Variants in DGUOK observed in about 807,000 individuals in gnomAD.
The protein encoded by DGUOK is deoxyguanosine kinase, mitochondrial.
Under a neutral mutation model 36.6 loss-of-function variants are expected in DGUOK, and 30 were observed. The observed-to-expected ratio is 0.82, with a 90% CI of 0.61 to 1.11. DGUOK has a LOEUF of 1.11. Among genes scored for constraint, DGUOK ranks in the 50% most tolerant of loss-of-function variants. DGUOK has a pLI of 0.00. For synonymous variants in DGUOK, 145 were observed against 126.3 expected (o/e 1.15, Z -0.99); for missense variants, 361 against 336.4 (o/e 1.07, Z -0.57).
intron 4 of DGUOK, 28 bp downstream of exon 4, chr2:73,950,760 T>C (rs199956438): frequency 6.2e-7 from 1 of 1,613,948 alleles, no homozygotes. Flanking sequence ...ACCTTAGACT[T>C]TAGGGCCATA....
At chr2:73,936,962 G>C (rs1212373744) in intron 1 of DGUOK, among the ~76,000 whole-genome samples, 3 of 152,214 alleles carry the variant, frequency 2.0e-5, no homozygotes, top group Admixed American at 6.5e-5. Flanking sequence ...GATTGAGTAA[G>C]AGTTGGTCAG....
At chr2:73,957,533 G>T (rs569688736) in intron 5 of DGUOK, among the ~76,000 whole-genome samples, 1 of 152,236 alleles carries the variant, frequency 6.6e-6, no homozygotes, top group East Asian at 1.9e-4. Context: ...AATTAGCCAG[G>T]TGTGGTGTCA....
chr2:73,950,433 T>G (rs1257184871), intron 3 of DGUOK, 152 bp from the exon 4 acceptor site: 3 of 805,122 alleles, frequency 3.7e-6, no homozygotes, highest in Non-Finnish European at 6.3e-6. Context: ...TTCAGATTTC[T>G]TAAGGATTGA....
intron 2 of DGUOK, among the ~76,000 whole-genome samples, chr2:73,939,669 C>T (rs1173621936): frequency 4.6e-5 from 7 of 152,214 alleles, no homozygotes. Flanking sequence ...ACCATGCCTC[C>T]TCAGGCACCA....
intron 3 of DGUOK, 164 bp downstream of exon 3, chr2:73,947,070 A>G (rs556627683): frequency 2.3e-5 from 17 of 732,040 alleles, no homozygotes; most frequent in African/African-American, 3.5e-5. Context: ...TTGTACTTCT[A>G]CCAGATTGTC....
intron 1 of DGUOK, among the ~76,000 whole-genome samples, chr2:73,930,355 C>T (rs1046047606): frequency 6.6e-6 from 1 of 152,166 alleles, no homozygotes; most frequent in African/African-American, 2.4e-5. Context: ...AGACCAGTCA[C>T]CATGGCTGTG....
At chr2:73,947,232 T>C in intron 3 of DGUOK, 1 of 381,600 alleles carries the variant, frequency 2.6e-6, no homozygotes, top group South Asian at 2.2e-5. Context: ...AGGCACATAA[T>C]AGACACTTAA....
intron 1 of DGUOK, among the ~76,000 whole-genome samples, chr2:73,936,017 TA>T (rs1481517093): frequency 6.6e-6 from 1 of 152,234 alleles, no homozygotes; most frequent in African/African-American, 2.4e-5. Flanking sequence ...TTTTAACTTT[TA>T]AAAAATATAA....
At chr2:73,958,347 G>T in intron 6 of DGUOK, 102 bp downstream of exon 6, 1 of 879,644 alleles carries the variant, frequency 1.1e-6, no homozygotes, top group East Asian at 2.5e-5. Flanking sequence ...CTTGTGCTTT[G>T]CATCTCACAT....
intron 1 of DGUOK, among the ~76,000 whole-genome samples, chr2:73,937,642 A>G (rs1681569580): frequency 6.6e-6 from 1 of 152,202 alleles, no homozygotes; most frequent in Non-Finnish European, 1.5e-5. Context: ...TTGGTGGGAA[A>G]GATGATTAGT....
chr2:73,932,494 A>C (rs1174079228), intron 1 of DGUOK: 1 of 615,372 alleles, frequency 1.6e-6, no homozygotes, highest in Non-Finnish European at 2.6e-6. Flanking sequence ...AGATTCTTGA[A>C]TCCTGTGCTA....
intron 2 of DGUOK, among the ~76,000 whole-genome samples, chr2:73,939,225 GTCTA>G (rs1340717976): frequency 2.0e-5 from 3 of 152,150 alleles, no homozygotes; most frequent in Non-Finnish European, 4.4e-5. Flanking sequence ...GTTTTTATAT[GTCTA>G]TCTAAGTGAC....
chr2:73,932,241 T>C (rs933538609), intron 1 of DGUOK, among the ~76,000 whole-genome samples: 1 of 152,150 alleles, frequency 6.6e-6, no homozygotes, highest in Non-Finnish European at 1.5e-5. Context: ...CTTTTTACTT[T>C]CATCTCCCAC....
intron 1 of DGUOK, among the ~76,000 whole-genome samples, chr2:73,933,988 G>T (rs371240574): frequency 6.6e-6 from 1 of 152,160 alleles, no homozygotes; most frequent in Non-Finnish European, 1.5e-5. Flanking sequence ...TTTGGTAAAA[G>T]ATTTCAGAAT....
At position 73,927,049 on chromosome 2, in the gene DGUOK, A is replaced by G. The variant is rs1487792792; in HGVS notation, c.139A>G (p.Ile47Val). ...GPRRLSIEGN[I>V]AVGKSTFVKL... ...CCGAAGGCTCTCCATCGAAGGCAAC[A>G]TTGGTAAGGGCCGGAAAGCGGCTGC... Residue 47 changes from isoleucine (I) to valine (V), a missense_variant, in exon 1 of 7, where the codon ATT (isoleucine) becomes GTT (valine). By Grantham distance (29) the Ile-to-Val change is conservative (BLOSUM62 3). Coordinates refer to ENST00000264093, the MANE Select transcript of DGUOK (RefSeq NM_080916.3). 1.9e-6 allele frequency: 3 copies of G among 1,608,418 alleles called. No individual in the cohort carries two copies. The highest frequency in any genetic ancestry group is 3.3e-5 in the Admixed American group (2 of 60,010).
chr2:73,943,350 T>G (rs1405961264), intron 2 of DGUOK, among the ~76,000 whole-genome samples: 1 of 147,552 alleles, frequency 6.8e-6, no homozygotes, highest in East Asian at 2.0e-4. Flanking sequence ...TTTGTAGAGA[T>G]AGGGTCTCAC....
intron 4 of DGUOK, among the ~76,000 whole-genome samples, chr2:73,955,798 T>C (rs1308056408): frequency 6.6e-6 from 1 of 151,980 alleles, no homozygotes; most frequent in Non-Finnish European, 1.5e-5. Flanking sequence ...CACTTGAACC[T>C]GGGAGGCAGA....
At chr2:73,947,083 C>G in intron 3 of DGUOK, 177 bp downstream of exon 3, 1 of 685,194 alleles carries the variant, frequency 1.5e-6, no homozygotes. Flanking sequence ...AGATTGTCAT[C>G]TATGTCAAGA....
At chr2:73,933,813 A>G (rs1681243467) in intron 1 of DGUOK, among the ~76,000 whole-genome samples, 1 of 152,214 alleles carries the variant, frequency 6.6e-6, no homozygotes, top group East Asian at 1.9e-4. Context: ...TTTCAGTTAT[A>G]GTACTTACCT....
Sources: gnomAD v4.1 joint callset for allele counts (sites outside exome capture counted in the v4.1 genomes callset) on GRCh38, gnomAD v4.1.1 for gene constraint, MANE v1.5 for transcripts, NCBI Gene and HGNC (gene_info 2026-07-23, HGNC 2026-07-21) for gene names.